The following ATXN2 variants were observed in gnomAD, a reference collection of about 807,000 sequenced individuals.
ATXN2 encodes ataxin 2.
In ATXN2, 37 loss-of-function variants were observed where a neutral mutation model predicts 138.6. The observed-to-expected ratio is 0.27, with a 90% CI of 0.21 to 0.35. The LOEUF (loss-of-function observed/expected upper bound fraction) is 0.35, where lower values mean the gene tolerates loss of function less well. ATXN2 is among the 10% of genes least tolerant of loss of function. The pLI is 1.00. For missense variants in ATXN2, 1,216 were observed against 1,480.3 expected, an observed-to-expected ratio of 0.82 and a Z score of 2.93; for synonymous variants, 549 against 543.7, an observed-to-expected ratio of 1.01 and a Z score of -0.13.
chr12:111,480,024 CA>C lies in ATXN2; in HGVS notation c.2524+5240del, dbSNP rs1049842391. On this transcript the variant is annotated intron_variant, in intron 18 of 24. Coordinates refer to ENST00000673436, the MANE Select transcript of ATXN2 (RefSeq NM_001372574.1). ...AAAAAAAGAAAAAAAAAAACCTAAT[CA>C]AAAAAAAAAAAAGAAAAAGAAATCT... Among the ~76,000 whole-genome samples the C allele has an allele frequency of 7.8e-3, 754 of 96,414 alleles. 5 individuals are homozygous for C. Among genetic ancestry groups the C allele is most frequent in the African/African-American group, 0.022 (575 of 26,078 alleles). The allele number at this position is 96,414 out of a possible 152,430, so 63.3% of individuals were successfully genotyped here.
intron 5 of ATXN2, among the ~76,000 whole-genome samples, chr12:111,537,799 A>T (rs981206824): frequency 6.6e-6 from 1 of 151,936 alleles, no homozygotes; most frequent in African/African-American, 2.4e-5. Flanking sequence ...TGCTGTGAAT[A>T]TATTTTAAAA....
chr12:111,457,133 T>C, intron 22 of ATXN2, 81 bp downstream of exon 22: 1 of 1,498,140 alleles, frequency 6.7e-7, no homozygotes, highest in South Asian at 1.3e-5. Context: ...GTTCTGACGA[T>C]GCGATACCTG....
chr12:111,583,786 A>C (rs577384657), intron 1 of ATXN2, among the ~76,000 whole-genome samples: 85 of 151,372 alleles, frequency 5.6e-4, no homozygotes, highest in African/African-American at 2.0e-3. Flanking sequence ...AAAAAAAAAA[A>C]AAAACAGTGA....
chr12:111,537,988 T>C, intron 5 of ATXN2, among the ~76,000 whole-genome samples: 1 of 151,746 alleles, frequency 6.6e-6, no homozygotes, highest in Non-Finnish European at 1.5e-5. Context: ...AGTCCCAGCT[T>C]AATCAGGAGG....
intron 14 of ATXN2, among the ~76,000 whole-genome samples, chr12:111,492,431 C>T (rs1878097075): frequency 6.6e-6 from 1 of 152,212 alleles, no homozygotes; most frequent in South Asian, 2.1e-4. Flanking sequence ...CGCCTGTAAT[C>T]CCAACACTCT....
In ATXN2 at chr12:111,598,340, G is replaced by A. The variant is rs555093611; in HGVS notation, c.251+444C>T. 68 of 990,886 alleles carry A rather than the reference G, an allele frequency of 6.9e-5. 1 individual carries two copies. In the South Asian group the frequency reaches 1.3e-3, roughly 19 times the overall value. 61.4% of individuals were successfully genotyped at this position (990,886 alleles called of 1,614,324 possible). A position where few individuals can be genotyped will look rare whatever the true frequency, so the allele number is the denominator to read the frequency against. ...TCCAGAGATGTCCCCCATGGAGGGG[G>A]ACATGTTCCGGAAAACGCCACCACA... On this transcript the variant is annotated intron_variant, in intron 1 of 24. Transcript: ENST00000673436. The surrounding 1 kb of genome is among the most constrained non-coding windows in gnomAD (Gnocchi z 4.5).
intron 1 of ATXN2, among the ~76,000 whole-genome samples, chr12:111,591,363 T>G (rs1884656884): frequency 7.1e-6 from 1 of 140,760 alleles, no homozygotes; most frequent in Non-Finnish European, 1.5e-5. Flanking sequence ...GAACTTAAAA[T>G]TTAAAAATAA....
intron 18 of ATXN2, among the ~76,000 whole-genome samples, chr12:111,479,415 A>AG (rs1491138294): frequency 2.0e-4 from 29 of 145,722 alleles, no homozygotes; most frequent in East Asian, 1.0e-3. Context: ...AAAAAAAAAA[A>AG]AGAGAGAGAG....
intron 14 of ATXN2, among the ~76,000 whole-genome samples, chr12:111,497,783 G>A (rs979633908): frequency 1.3e-5 from 2 of 152,126 alleles, no homozygotes; most frequent in Non-Finnish European, 2.9e-5. Context: ...TTGGGAGGCT[G>A]AGACGGGCAG....
chr12:111,568,487 T>C lies in ATXN2; in HGVS notation c.252-12568A>G, dbSNP rs536916096. On this transcript the variant is annotated intron_variant, in intron 1 of 24. Transcript: ENST00000673436. ...CAGATTTTTTTATATAATCAAAATATTTCATTGATCCAGGTTTCTAGAATC... is the reference window on the plus strand; with the variant it reads ...CAGATTTTTTTATATAATCAAAATACTTCATTGATCCAGGTTTCTAGAATC... Among the ~76,000 whole-genome samples, 45 of 152,294 alleles carry C rather than the reference T, an allele frequency of 3.0e-4. 2 individuals carry two copies. The highest frequency in any genetic ancestry group is 2.7e-3 in the Admixed American group (42 of 15,296).
intron 23 of ATXN2, chr12:111,454,189 A>G (rs1048134330): frequency 5.3e-6 from 1 of 187,286 alleles, no homozygotes; most frequent in Non-Finnish European, 1.1e-5. Context: ...CAGCTTTCTC[A>G]ACTTAATATC....
At chr12:111,572,432 C>G (rs1883381864) in intron 1 of ATXN2, among the ~76,000 whole-genome samples, 1 of 151,964 alleles carries the variant, frequency 6.6e-6, no homozygotes, top group African/African-American at 2.4e-5. Flanking sequence ...CTATCTGGCC[C>G]TTTACGAAGT....
intron 1 of ATXN2, among the ~76,000 whole-genome samples, chr12:111,595,858 T>C (rs985225929): frequency 6.9e-6 from 1 of 145,562 alleles, no homozygotes; most frequent in African/African-American, 2.7e-5. Flanking sequence ...TCAGGAGGAG[T>C]TCGAGACCAG....
At position 111,581,004 on chromosome 12, in the gene ATXN2, G is replaced by C. The variant is rs1036895303; in HGVS notation, c.251+17780C>G. 2.0e-5 allele frequency among the ~76,000 whole-genome samples: 3 copies of C among 151,804 alleles called. No homozygotes were observed. The South Asian group carries it at 6.2e-4, about 32-fold the overall frequency. ...AATACAAAACCTAGCCGGCTGTGGT[G>C]GCAGGTGCCTGTAGTCCCAGCTACT... On this transcript the variant is annotated intron_variant, in intron 1 of 24. Coordinates refer to ENST00000673436, the MANE Select transcript of ATXN2 (RefSeq NM_001372574.1).
At chr12:111,471,797 T>C (rs1876433394) in intron 18 of ATXN2, 1 of 152,048 alleles carries the variant, frequency 6.6e-6, no homozygotes, top group Admixed American at 6.6e-5. Context: ...TTATCACTTT[T>C]ATCAAATGAA....
intron 21 of ATXN2, 37 bp from the exon 22 acceptor site, chr12:111,457,396 T>C (rs1875192331): frequency 6.3e-7 from 1 of 1,576,238 alleles, no homozygotes. Context: ...ACACAACCGA[T>C]GTCTGACAAC....
chr12:111,562,212 C>G (rs1042345907), intron 1 of ATXN2, among the ~76,000 whole-genome samples: 10 of 151,816 alleles, frequency 6.6e-5, no homozygotes, highest in Admixed American at 6.6e-4. Context: ...GGCAGAAGGA[C>G]CACTTAAGAC....
intron 1 of ATXN2, chr12:111,581,496 C>A: frequency 2.9e-6 from 3 of 1,025,386 alleles, no homozygotes; most frequent in Non-Finnish European, 4.6e-6. Context: ...AACCCTGCTC[C>A]CCCAATGTCC....
At chr12:111,477,069 G>A (rs1438029026) in intron 18 of ATXN2, among the ~76,000 whole-genome samples, 4 of 151,804 alleles carry the variant, frequency 2.6e-5, no homozygotes, top group Non-Finnish European at 5.9e-5. Context: ...ATGGCTGGGC[G>A]CAGTGGCTCA....
Sources: allele counts gnomAD v4.1 joint callset (sites outside exome capture counted in the v4.1 genomes callset), GRCh38; gene constraint gnomAD v4.1.1; non-coding constraint Gnocchi (gnomAD v3.1); transcripts MANE v1.5; gene names NCBI Gene and HGNC (gene_info 2026-07-23, HGNC 2026-07-21).